DLG2: variants seen among roughly 807,000 people sequenced by gnomAD.
The protein encoded by DLG2 is discs large MAGUK scaffold protein 2.
A neutral mutation model predicts 132.5 loss-of-function variants in DLG2; 45 were observed. The observed-to-expected ratio is 0.34, with a 90% CI of 0.27 to 0.44. The LOEUF is 0.44. DLG2 is among the 20% of genes least tolerant of loss of function. DLG2 has a pLI of 1.00. For synonymous variants in DLG2, 424 were observed against 419.6 expected (o/e 1.01, Z -0.13); for missense variants, 1,045 against 1,196.9 (o/e 0.87, Z 1.87).
intron 18 of DLG2, chr11:83,643,709 T>C (rs1591570406): frequency 6.6e-6 from 1 of 152,104 alleles, no homozygotes; most frequent in Non-Finnish European, 1.5e-5. Context: ...ACACCACTAT[T>C]CCTAGGTAAG....
chr11:83,806,698 C>T (rs2045996618), intron 17 of DLG2, among the ~76,000 whole-genome samples: 2 of 152,130 alleles, frequency 1.3e-5, no homozygotes, highest in African/African-American at 2.4e-5. Flanking sequence ...TACATTATTA[C>T]TGAGGGTGAC....
At chr11:83,772,411 A>G (rs2094431495) in intron 18 of DLG2, among the ~76,000 whole-genome samples, 1 of 149,928 alleles carries the variant, frequency 6.7e-6, no homozygotes, top group Non-Finnish European at 1.5e-5. Context: ...CCCTGTCTCA[A>G]TAAAAAAGAA....
chr11:84,090,694 G>A (rs2097077127), intron 10 of DLG2, among the ~76,000 whole-genome samples: 1 of 152,118 alleles, frequency 6.6e-6, no homozygotes, highest in African/African-American at 2.4e-5. Flanking sequence ...AATATTTCTG[G>A]AAAGAAATTT....
rs75048863 is a variant in DLG2, at chr11:83,738,595, T to C, written c.1825+48095A>G. 1.4e-3 allele frequency among the ~76,000 whole-genome samples: 219 copies of C among 152,336 alleles called. 1 individual carries two copies. The highest frequency in any genetic ancestry group is 5.0e-3 in the African/African-American group (210 of 41,586). ...ACAGTCAGACGGAGAAGCTGTGCTCTGTACAATAAGGGACAGAATTCTAAG... is the reference window on the plus strand; with the variant it reads ...ACAGTCAGACGGAGAAGCTGTGCTCCGTACAATAAGGGACAGAATTCTAAG... On this transcript the variant is annotated intron_variant, in intron 18 of 27. Transcript: ENST00000376104.
chr11:83,896,448 T>C lies in DLG2; in HGVS notation c.1497-21960A>G, dbSNP rs534853788. On this transcript the variant is annotated intron_variant, in intron 15 of 27. Coordinates refer to ENST00000376104, the MANE Select transcript of DLG2 (RefSeq NM_001142699.3). ...AATCTGCCCACATAAAGATGCTCAC[T>C]GTTATTACAGTCAAATGTCATATTT... is the stretch of plus-strand genomic sequence containing the variant. Among the ~76,000 whole-genome samples the C allele has an allele frequency of 4.2e-3, 641 of 152,350 alleles. 4 individuals carry two copies. Among genetic ancestry groups the C allele is most frequent in the African/African-American group, 0.015 (612 of 41,594 alleles).
At chr11:84,727,058 C>G (rs535250845) in intron 6 of DLG2, among the ~76,000 whole-genome samples, 1 of 152,302 alleles carries the variant, frequency 6.6e-6, no homozygotes, top group South Asian at 2.1e-4. Context: ...CCTGTTCACT[C>G]TGATGATAGT....
At chr11:83,497,527 T>A (rs1448465924) in intron 21 of DLG2, among the ~76,000 whole-genome samples, 4 of 141,296 alleles carry the variant, frequency 2.8e-5, no homozygotes, top group Non-Finnish European at 6.4e-5. Flanking sequence ...ACAGAGAGAC[T>A]TCGTCTCAAA....
chr11:83,644,112 C>T (rs138412056), intron 18 of DLG2, among the ~76,000 whole-genome samples: 27 of 152,076 alleles, frequency 1.8e-4, no homozygotes, highest in African/African-American at 6.3e-4. Context: ...TTTTGAGATA[C>T]GACAGGTCTT....
intron 6 of DLG2, among the ~76,000 whole-genome samples, chr11:84,865,374 T>C (rs892010369): frequency 5.3e-5 from 8 of 152,196 alleles, no homozygotes; most frequent in African/African-American, 1.4e-4. Context: ...CTAAAAGATA[T>C]ATTGATAAGC....
intron 2 of DLG2, among the ~76,000 whole-genome samples, chr11:85,615,082 A>T (rs954954688): frequency 1.3e-5 from 2 of 152,256 alleles, no homozygotes; most frequent in Non-Finnish European, 2.9e-5. Context: ...CTGTTGAAAC[A>T]AGAAGATATT....
intron 6 of DLG2, among the ~76,000 whole-genome samples, chr11:85,106,953 T>C (rs903832756): frequency 5.9e-5 from 9 of 152,046 alleles, no homozygotes; most frequent in African/African-American, 2.2e-4. Context: ...TTGCCAAGTA[T>C]AATTATGATT....
chr11:85,559,759 T>A (rs1374748625), intron 3 of DLG2, among the ~76,000 whole-genome samples: 1 of 151,484 alleles, frequency 6.6e-6, no homozygotes, highest in African/African-American at 2.4e-5. Context: ...AAGCGAGGTA[T>A]CTTAAATCTC....
At chr11:85,041,615 C>A (rs2061875043) in intron 6 of DLG2, among the ~76,000 whole-genome samples, 1 of 151,776 alleles carries the variant, frequency 6.6e-6, no homozygotes, top group Non-Finnish European at 1.5e-5. Context: ...GAAATGAAGT[C>A]AGATTTGGAA....
chr11:85,620,924 A>G (rs2081647855), intron 2 of DLG2, among the ~76,000 whole-genome samples: 1 of 152,276 alleles, frequency 6.6e-6, no homozygotes, highest in South Asian at 2.1e-4. Context: ...TTCAATTCAG[A>G]CAAAATAGCC....
intron 11 of DLG2, among the ~76,000 whole-genome samples, chr11:84,000,367 T>C (rs1693138581): frequency 6.6e-6 from 1 of 152,118 alleles, no homozygotes; most frequent in Non-Finnish European, 1.5e-5. Flanking sequence ...TCATGACACA[T>C]GGGACACCAT....
intron 7 of DLG2, among the ~76,000 whole-genome samples, chr11:84,505,560 C>T (rs2099236682): frequency 1.3e-5 from 2 of 152,128 alleles, no homozygotes. Flanking sequence ...TGTCTCTCAA[C>T]AACATCAGGT....
intron 7 of DLG2, among the ~76,000 whole-genome samples, chr11:84,384,339 C>G (rs1243718504): frequency 6.6e-6 from 1 of 151,914 alleles, no homozygotes; most frequent in Non-Finnish European, 1.5e-5. Flanking sequence ...CTTTAAAAGA[C>G]TCTTACATAA....
intron 6 of DLG2, among the ~76,000 whole-genome samples, chr11:85,029,379 T>C (rs941755795): frequency 6.6e-6 from 1 of 152,220 alleles, no homozygotes; most frequent in East Asian, 1.9e-4. Context: ...TGTGTCCACA[T>C]GTCTTCACTG....
chr11:85,575,533 C>G (rs975015327), intron 3 of DLG2, among the ~76,000 whole-genome samples: 5 of 142,852 alleles, frequency 3.5e-5, no homozygotes, highest in African/African-American at 1.3e-4. Flanking sequence ...GAGTGAGATC[C>G]TATCTCAAAA....
Sources: allele counts gnomAD v4.1 joint callset (sites outside exome capture counted in the v4.1 genomes callset), GRCh38; gene constraint gnomAD v4.1.1; transcripts MANE v1.5; gene names NCBI Gene and HGNC (gene_info 2026-07-23, HGNC 2026-07-21).